XRN1: variants seen among roughly 807,000 people sequenced by gnomAD.
XRN1 encodes 5'-3' exoribonuclease 1, also known as strand-exchange protein 1 homolog.
A neutral mutation model predicts 222.3 loss-of-function variants in XRN1; 67 were observed. The ratio of observed to expected loss-of-function variants is 0.30; its 90% CI spans 0.25 to 0.37. XRN1 has a LOEUF of 0.37. Among genes scored for constraint, XRN1 ranks in the 10% least tolerant of loss-of-function variants. XRN1 has a pLI of 1.00. For synonymous variants in XRN1, 643 were observed against 652.4 expected, an observed-to-expected ratio of 0.99 and a Z score of 0.22; for missense variants, 1,707 against 2,000.2, an observed-to-expected ratio of 0.85 and a Z score of 2.80.
Position 142,432,912 on chromosome 3 carries a change from T to C in XRN1, c.76-19A>G, listed in dbSNP as rs755688666. 1.1e-5 allele frequency: 17 copies of C among 1,563,564 alleles called. No homozygotes were observed. Among genetic ancestry groups the C allele is most frequent in the Non-Finnish European group, 1.1e-5 (13 of 1,140,592 alleles). On this transcript the variant is annotated intron_variant, in intron 1 of 40. Coordinates refer to ENST00000392981, the MANE Select transcript of XRN1 (RefSeq NM_001282857.2). ...CAGGAATCTGAAAAACAAAGAAAAA[T>C]GCTTGAGATCATTTATTTTAATCAA...
At chr3:142,434,632 G>A (rs985490277) in intron 1 of XRN1, among the ~76,000 whole-genome samples, 9 of 151,402 alleles carry the variant, frequency 5.9e-5, no homozygotes, top group African/African-American at 9.7e-5. Context: ...GTGGCAGCAC[G>A]TGTCTGTTCT....
chr3:142,366,849 T>C (rs555673759), intron 27 of XRN1, among the ~76,000 whole-genome samples: 23 of 152,300 alleles, frequency 1.5e-4, no homozygotes, highest in Admixed American at 9.8e-4. Context: ...CACTATAGCA[T>C]TGATTAGAGG....
intron 32 of XRN1, among the ~76,000 whole-genome samples, chr3:142,349,569 A>G (rs932097532): frequency 6.6e-6 from 1 of 152,140 alleles, no homozygotes; most frequent in Non-Finnish European, 1.5e-5. Flanking sequence ...TCACAGTACT[A>G]CTTCAGAGAA....
At chr3:142,336,605 T>G (rs1200035541) in intron 33 of XRN1, among the ~76,000 whole-genome samples, 4 of 133,584 alleles carry the variant, frequency 3.0e-5, no homozygotes, top group East Asian at 2.2e-4. Context: ...AGAGAAGGAA[T>G]AGAGAGAGAG....
At chr3:142,343,389 G>C (rs2066052390) in intron 33 of XRN1, among the ~76,000 whole-genome samples, 2 of 151,706 alleles carry the variant, frequency 1.3e-5, no homozygotes, top group African/African-American at 2.4e-5. Flanking sequence ...GTGAGGCGAA[G>C]ATTTCAGTGA....
intron 37 of XRN1, among the ~76,000 whole-genome samples, chr3:142,326,172 T>G (rs1490890740): frequency 6.6e-6 from 1 of 151,558 alleles, no homozygotes; most frequent in African/African-American, 2.4e-5. Flanking sequence ...TTTTTTTTTC[T>G]ATTTCTGTCA....
chr3:142,429,501 G>A (rs2069426170), intron 2 of XRN1, among the ~76,000 whole-genome samples: 1 of 152,132 alleles, frequency 6.6e-6, no homozygotes, highest in East Asian at 1.9e-4. Flanking sequence ...GGGGATAAAA[G>A]AAGGCAGATT....
At chr3:142,376,695 A>T in intron 23 of XRN1, 101 bp from the exon 24 acceptor site, 2 of 822,504 alleles carry the variant, frequency 2.4e-6, no homozygotes, top group Non-Finnish European at 3.8e-6. Flanking sequence ...GACATCACTA[A>T]CCATTGGATT....
intron 36 of XRN1, 106 bp from the exon 37 acceptor site, chr3:142,329,721 G>T: frequency 8.8e-7 from 1 of 1,132,616 alleles, no homozygotes; most frequent in Non-Finnish European, 1.2e-6. Context: ...CTGCTAAAAA[G>T]TGAAGTGAAT....
Position 142,311,701 on chromosome 3 carries a change from AC to A in XRN1, c.4894del (p.Val1632Ter), listed in dbSNP as rs755375960. The part of the protein sequence containing the change: ...SQPDSSNIVK[V>X]SPRESSSASL... ...AGCTGATGAGCTCTCCCGTGGACTT[AC>A]TTTGACAATGTTGGAAGAATCTGGC... On this transcript the variant is annotated frameshift_variant, in exon 41 of 41. Coordinates refer to ENST00000392981, the MANE Select transcript of XRN1 (RefSeq NM_001282857.2). LOFTEE classifies it high-confidence loss of function. 13 of 1,614,064 alleles carry A rather than the reference AC, an allele frequency of 8.1e-6. No individual in the cohort carries two copies. Among genetic ancestry groups the A allele is most frequent in the Non-Finnish European group, 9.3e-6 (11 of 1,180,014 alleles).
chr3:142,354,104 A>G (rs917923735), intron 32 of XRN1, among the ~76,000 whole-genome samples: 2 of 152,144 alleles, frequency 1.3e-5, no homozygotes, highest in Admixed American at 1.3e-4. Flanking sequence ...TAAAAAATTA[A>G]TTTTTAAAAA....
chr3:142,331,677 G>A (rs1043971751), intron 36 of XRN1, among the ~76,000 whole-genome samples: 3 of 152,176 alleles, frequency 2.0e-5, no homozygotes, highest in Non-Finnish European at 4.4e-5. Flanking sequence ...TTAAAGGTTT[G>A]GATGTCTACA....
intron 32 of XRN1, among the ~76,000 whole-genome samples, chr3:142,353,265 T>C (rs2066365986): frequency 6.6e-6 from 1 of 152,192 alleles, no homozygotes; most frequent in African/African-American, 2.4e-5. Context: ...AAAAATTATC[T>C]ATACTCTCGA....
intron 16 of XRN1, among the ~76,000 whole-genome samples, chr3:142,404,211 A>G (rs1250139376): frequency 1.3e-5 from 2 of 152,134 alleles, no homozygotes; most frequent in Non-Finnish European, 2.9e-5. Context: ...GATTTTCCCC[A>G]TTAATCTAAA....
chr3:142,438,353 A>G (rs905816988), intron 1 of XRN1, among the ~76,000 whole-genome samples: 2 of 152,016 alleles, frequency 1.3e-5, no homozygotes, highest in Non-Finnish European at 2.9e-5. Flanking sequence ...ACTAGAATCC[A>G]GCAGTCCAGA....
Position 142,397,448 on chromosome 3 carries a change from T to C in XRN1, c.2220A>G (p.Glu740=), listed in dbSNP as rs376352201. 1.7e-5 allele frequency: 27 copies of C among 1,602,636 alleles called. No homozygotes were observed. The African/African-American group carries it at 3.3e-4, about 20-fold the overall frequency. The change falls in exon 20 of 41, where the codon GAA becomes GAG. Residue 740 remains glutamate, a synonymous_variant. Coordinates refer to ENST00000392981, the MANE Select transcript of XRN1 (RefSeq NM_001282857.2). ...VSDGETKFYL[E]EPPGTQKLYS... is the part of the protein sequence containing the mutation. ...AAAGCTTCTGTGTTCCTGGAGGTTC[T>C]TCCAAGTAAAACCTTAAGAGTTAAA... is the stretch of plus-strand genomic sequence containing the variant.
intron 22 of XRN1, among the ~76,000 whole-genome samples, chr3:142,381,563 C>CTTTTTT (rs766961502): frequency 3.6e-5 from 3 of 84,210 alleles, no homozygotes; most frequent in African/African-American, 9.3e-5. Context: ...TAAGTTATTG[C>CTTTTTT]TTTTTTTTTT....
chr3:142,329,776 G>A (rs931513211), intron 36 of XRN1, among the ~76,000 whole-genome samples, 161 bp from the exon 37 acceptor site: 1 of 152,166 alleles, frequency 6.6e-6, no homozygotes, highest in Non-Finnish European at 1.5e-5. Flanking sequence ...AGGATTTCAG[G>A]TGGCTCTAGT....
intron 15 of XRN1, among the ~76,000 whole-genome samples, chr3:142,408,625 T>C (rs1297161167): frequency 6.6e-6 from 1 of 152,236 alleles, no homozygotes; most frequent in Non-Finnish European, 1.5e-5. Flanking sequence ...CTGACTGGTA[T>C]TGGGCGGTTT....
Sources: allele counts gnomAD v4.1 joint callset (sites outside exome capture counted in the v4.1 genomes callset), GRCh38; gene constraint gnomAD v4.1.1; transcripts MANE v1.5; gene names NCBI Gene and HGNC (gene_info 2026-07-23, HGNC 2026-07-21).